WLS: variants seen among roughly 807,000 people sequenced by gnomAD.
The protein encoded by WLS is Wnt ligand secretion mediator, also known as protein wntless homolog.
A neutral mutation model predicts 62.8 loss-of-function variants in WLS; 23 were observed. That is an observed-to-expected ratio of 0.37 (90% CI 0.26 to 0.52). WLS has a LOEUF of 0.52. Among genes scored for constraint, WLS ranks in the 20% least tolerant of loss-of-function variants. The probability of loss-of-function intolerance (pLI) is 0.92; values close to 1 mark genes in which losing one functional copy is unlikely to be tolerated. For synonymous variants in WLS, 246 were observed against 244.1 expected, an observed-to-expected ratio of 1.01 and a Z score of -0.07; for missense variants, 615 against 697.3, an observed-to-expected ratio of 0.88 and a Z score of 1.33.
At chr1:68,232,145 G>T (rs778230873) in intron 1 of WLS, 49 bp downstream of exon 1, 2 of 1,611,878 alleles carry the variant, frequency 1.2e-6, no homozygotes, top group East Asian at 4.5e-5. Context: ...AGAGGGAAGG[G>T]GCCCGAAAAG....
intron 1 of WLS, among the ~76,000 whole-genome samples, chr1:68,227,197 C>A (rs773110410): frequency 2.6e-5 from 4 of 151,970 alleles, no homozygotes; most frequent in Non-Finnish European, 5.9e-5. Flanking sequence ...AGTTTGAGAC[C>A]AGCCCGGCCA....
intron 2 of WLS, among the ~76,000 whole-genome samples, chr1:68,189,381 T>C (rs1375671080): frequency 6.6e-6 from 1 of 152,256 alleles, no homozygotes. Flanking sequence ...ATGAATCTTC[T>C]GTCCTTAAAA....
chr1:68,122,667 T>C (rs571179623), downstream of WLS, among the ~76,000 whole-genome samples: 46 of 152,366 alleles, frequency 3.0e-4, no homozygotes, highest in South Asian at 9.3e-3. Flanking sequence ...AAAACTGGTA[T>C]ACATGGCCAA....
In WLS at chr1:68,108,263, T is replaced by C. The variant is rs537416226; in HGVS notation, c.1511-9510A>G. ...CATTTGAAATTTGAATAATCCCAGC[T>C]TATTGGAAAAGGAATCCTGTCTTTT... On this transcript the variant is annotated intron_variant, in intron 11 of 11. Transcript: ENST00000354777. 5.1e-4 allele frequency among the ~76,000 whole-genome samples: 78 copies of C among 152,302 alleles called. 1 individual carries two copies. Among genetic ancestry groups the C allele is most frequent in the African/African-American group, 1.7e-3 (72 of 41,560 alleles).
At chr1:68,106,785 C>T (rs1193933938) in intron 11 of WLS, among the ~76,000 whole-genome samples, 1 of 151,498 alleles carries the variant, frequency 6.6e-6, no homozygotes, top group Non-Finnish European at 1.5e-5. Context: ...AGTATAGAGG[C>T]TACTGGTATG....
chr1:68,112,882 AAAAC>A (rs895062971), intron 11 of WLS, among the ~76,000 whole-genome samples: 5 of 152,254 alleles, frequency 3.3e-5, no homozygotes, highest in Non-Finnish European at 5.9e-5. Context: ...CTCTTGGACC[AAAAC>A]AAACAGACAA....
At chr1:68,098,791 T>C (rs764687450) in intron 11 of WLS, 19 of 1,596,116 alleles carry the variant, frequency 1.2e-5, no homozygotes, top group Admixed American at 1.7e-5. Flanking sequence ...ATGCAAAATA[T>C]CCTTTTAAAA....
intron 2 of WLS, among the ~76,000 whole-genome samples, chr1:68,161,037 A>G (rs1646964729): frequency 1.3e-5 from 2 of 152,204 alleles, no homozygotes; most frequent in African/African-American, 4.8e-5. Flanking sequence ...TTCTTCTTGA[A>G]CCGTTTTAGC....
chr1:68,194,134 C>A lies in WLS; in HGVS notation c.200G>T (p.Gly67Val). 6.2e-7 allele frequency: 1 copy of A among 1,614,172 alleles called. No individual in the cohort carries two copies. The highest frequency in any genetic ancestry group is 8.5e-7 in the Non-Finnish European group (1 of 1,180,036). The change falls in exon 2 of 12, where the codon GGA becomes GTA. Residue 67 changes from glycine to valine, a missense_variant. Physicochemically the swap from Gly to Val is moderately radical, Grantham distance 109. Coordinates refer to ENST00000262348, the MANE Select transcript of WLS (RefSeq NM_024911.7). ...HHKTKWFVPW[G>V]PNHCDKIRDI... ...TCGGATCTTGTCACAATGATTGGGT[C>A]CCCAAGGCACGAACCATTTTGTCTT...
chr1:68,231,768 C>T (rs962286091), intron 1 of WLS: 6 of 468,924 alleles, frequency 1.3e-5, no homozygotes, highest in Admixed American at 2.4e-5. Context: ...CCCGACTCTT[C>T]TGTTGTTCCT....
intron 11 of WLS, among the ~76,000 whole-genome samples, chr1:68,113,706 A>G (rs1646256192): frequency 6.6e-6 from 1 of 152,120 alleles, no homozygotes; most frequent in Admixed American, 6.5e-5. Flanking sequence ...GCATGTTAGA[A>G]ATGCATCGTC....
intron 1 of WLS, among the ~76,000 whole-genome samples, chr1:68,227,713 A>G (rs1188251875): frequency 2.0e-5 from 3 of 152,170 alleles, no homozygotes; most frequent in Non-Finnish European, 4.4e-5. Context: ...ATACAGAAAA[A>G]TATGACTTAA....
chr1:68,232,351 G>C lies in WLS; in HGVS notation c.-52C>G. On this transcript the variant is annotated 5_prime_UTR_variant, in exon 1 of 12. Transcript: ENST00000262348. The stretch of plus-strand genomic sequence containing the variant: ...CCTTGAAATAAATGTTTTAGGGTGA[G>C]CTTTTTGCTCCCTCCTCTCACACAC... The C allele has an allele frequency of 1.3e-6, 2 of 1,589,670 alleles. No individual in the cohort carries two copies. The highest frequency in any genetic ancestry group is 8.6e-7 in the Non-Finnish European group (1 of 1,167,148).
chr1:68,155,082 C>A lies in WLS; in HGVS notation c.666+17G>T. The A allele has an allele frequency of 6.2e-7, 1 of 1,610,946 alleles. No individual in the cohort carries two copies. Among genetic ancestry groups the A allele is most frequent in the South Asian group, 1.1e-5 (1 of 90,432 alleles). On this transcript the variant is annotated intron_variant, in intron 4 of 11. Coordinates refer to ENST00000262348, the MANE Select transcript of WLS (RefSeq NM_024911.7). ...TCCCCTCCAATACACATGTCAAGAT[C>A]AATTACATTCACTTACCACCAACCG...
intron 1 of WLS, among the ~76,000 whole-genome samples, chr1:68,223,790 CA>C (rs1310773807): frequency 1.3e-5 from 2 of 152,230 alleles, no homozygotes; most frequent in African/African-American, 4.8e-5. Flanking sequence ...ATTGAGGCCA[CA>C]GGTTGTCTGC....
At chr1:68,226,005 T>C (rs1371098746) in intron 1 of WLS, among the ~76,000 whole-genome samples, 5 of 152,234 alleles carry the variant, frequency 3.3e-5, no homozygotes, top group Non-Finnish European at 5.9e-5. Flanking sequence ...ATGGAATTGG[T>C]TGGACTGGCA....
intron 5 of WLS, among the ~76,000 whole-genome samples, 188 bp from the exon 6 acceptor site, chr1:68,150,544 C>G (rs1461937957): frequency 6.6e-6 from 1 of 152,184 alleles, no homozygotes; most frequent in Non-Finnish European, 1.5e-5. Context: ...TGAGGGAGTG[C>G]TATACCAACC....
intron 11 of WLS, among the ~76,000 whole-genome samples, chr1:68,133,643 T>A (rs1646563462): frequency 6.6e-6 from 1 of 152,194 alleles, no homozygotes; most frequent in South Asian, 2.1e-4. Context: ...CAGAAATATA[T>A]GAGAAAATGC....
chr1:68,209,142 C>CA (rs1557521575), intron 1 of WLS, among the ~76,000 whole-genome samples: 1 of 151,900 alleles, frequency 6.6e-6, no homozygotes, highest in Non-Finnish European at 1.5e-5. Context: ...CTGGCAAGTT[C>CA]AGGGGGGGTG....
Sources: allele counts gnomAD v4.1 joint callset (sites outside exome capture counted in the v4.1 genomes callset), GRCh38; gene constraint gnomAD v4.1.1; transcripts MANE v1.5; gene names NCBI Gene and HGNC (gene_info 2026-07-23, HGNC 2026-07-21).